The following ARFGEF1 variants were observed in gnomAD, a reference collection of about 807,000 sequenced individuals.
The protein encoded by ARFGEF1 is brefeldin A-inhibited guanine nucleotide-exchange protein 1.
A neutral mutation model predicts 231.0 loss-of-function variants in ARFGEF1; 42 were observed. The ratio of observed to expected loss-of-function variants is 0.18; its 90% CI spans 0.14 to 0.24. The LOEUF is 0.24. Among genes scored for constraint, ARFGEF1 ranks in the 10% least tolerant of loss-of-function variants. The probability of loss-of-function intolerance (pLI) is 1.00; values close to 1 mark genes in which losing one functional copy is unlikely to be tolerated. For missense variants in ARFGEF1, 1,345 were observed against 2,192.0 expected, an observed-to-expected ratio of 0.61 and a Z score of 7.72; for synonymous variants, 710 against 732.3, an observed-to-expected ratio of 0.97 and a Z score of 0.49.
chr8:67,185,116 A>G (rs1179632401), intron 5 of ARFGEF1, among the ~76,000 whole-genome samples: 2 of 149,810 alleles, frequency 1.3e-5, no homozygotes, highest in Non-Finnish European at 2.9e-5. Context: ...AAAAAAAAAA[A>G]ACAAAAACAA....
chr8:67,339,576 T>A (rs747008148), intron 1 of ARFGEF1, among the ~76,000 whole-genome samples: 1 of 151,906 alleles, frequency 6.6e-6, no homozygotes, highest in Admixed American at 6.6e-5. Context: ...TCTTTGAAAC[T>A]AAAAATAGCT....
chr8:67,334,035 C>T (rs1377518131), intron 1 of ARFGEF1, among the ~76,000 whole-genome samples: 1 of 150,264 alleles, frequency 6.7e-6, no homozygotes, highest in Non-Finnish European at 1.5e-5. Flanking sequence ...ACTTGGGAGG[C>T]TGAGACAGGA....
rs750381594 is a variant in ARFGEF1 at position 67,296,506 on chromosome 8, G to A, written c.564C>T (p.Leu188=). Residue 188 remains leucine (L), a synonymous_variant, in exon 5 of 39, where the codon CTC becomes CTT. Transcript: ENST00000262215. ...TAGCTTTGGCTGTTGTCTGATTGAT[G>A]AGATTTTTGCTTGCTAAGTAGATAT... ...CYNIYLASKN[L]INQTTAKATL... 5.6e-6 allele frequency: 9 copies of A among 1,613,946 alleles called. No homozygotes were observed. The highest frequency in any genetic ancestry group is 2.2e-5 in the South Asian group (2 of 91,080).
chr8:67,293,124 C>T (rs1033974514), intron 5 of ARFGEF1, among the ~76,000 whole-genome samples: 5 of 152,084 alleles, frequency 3.3e-5, no homozygotes, highest in Non-Finnish European at 5.9e-5. Context: ...GAAGTTAAGT[C>T]GTCTGTATCC....
At chr8:67,195,847 A>AACT (rs1268489150), downstream of ARFGEF1, 2 of 433,922 alleles carry the variant, frequency 4.6e-6, no homozygotes, top group East Asian at 8.7e-5. Context: ...AACTGGATTG[A>AACT]ACTACTATAT....
chr8:67,204,632 T>A, intron 35 of ARFGEF1, 48 bp downstream of exon 35: 1 of 1,580,230 alleles, frequency 6.3e-7, no homozygotes, highest in South Asian at 1.2e-5. Flanking sequence ...CTGCTATACC[T>A]AACTTCCTAC....
chr8:67,194,910 A>AAAAT (rs1428864834), downstream of ARFGEF1, among the ~76,000 whole-genome samples: 1 of 152,182 alleles, frequency 6.6e-6, no homozygotes, highest in Non-Finnish European at 1.5e-5. Flanking sequence ...GTGTTTTCCC[A>AAAAT]AAATAACTTA....
intron 5 of ARFGEF1, among the ~76,000 whole-genome samples, chr8:67,184,741 A>AAT (rs1554621517): frequency 7.0e-6 from 1 of 143,610 alleles, no homozygotes; most frequent in African/African-American, 2.7e-5. Context: ...AATAATAAAA[A>AAT]AATATAATAA....
At position 67,343,470 on chromosome 8, in the gene ARFGEF1, G is replaced by C. The variant is rs1278876479; in HGVS notation, c.-183C>G. The C allele has an allele frequency of 7.5e-7, 1 of 1,330,016 alleles. No individual in the cohort carries two copies. The highest frequency in any genetic ancestry group is 2.8e-5 in the East Asian group (1 of 35,260). 82.4% of individuals were successfully genotyped at this position (1,330,016 alleles called of 1,614,324 possible). A position where few individuals can be genotyped will look rare whatever the true frequency, so the allele number is the denominator to read the frequency against. The stretch of plus-strand genomic sequence containing the variant: ...GAGCGGGACCAGCCGCGGTGTCGGC[G>C]AAGGGCGTCGAGGTCCTCGCCGCCC... On this transcript the variant is annotated 5_prime_UTR_variant, in exon 1 of 39. Transcript: ENST00000262215.
chr8:67,202,853 G>GT (rs1405984259), intron 36 of ARFGEF1, among the ~76,000 whole-genome samples: 1 of 152,166 alleles, frequency 6.6e-6, no homozygotes, highest in Non-Finnish European at 1.5e-5. Context: ...AAAGAACAAT[G>GT]TAAGTCAAAT....
rs1804842173 is a variant in ARFGEF1, at chr8:67,266,219, A to G, written c.1922-12T>C. The G allele has an allele frequency of 6.2e-7, 1 of 1,609,408 alleles. No individual in the cohort carries two copies. Among genetic ancestry groups the G allele is most frequent in the South Asian group, 1.1e-5 (1 of 90,752 alleles). ...GGGTTTTTCCTGACCTGAAAGAAGA[A>G]AAATTGATAGAGTACATTATTCTAT... On this transcript the variant is annotated splice_polypyrimidine_tract_variant and intron_variant, in intron 13 of 38. Transcript: ENST00000262215.
At chr8:67,204,975 A>G (rs1838459932) in intron 34 of ARFGEF1, 156 bp from the exon 35 acceptor site, 4 of 854,850 alleles carry the variant, frequency 4.7e-6, no homozygotes, top group Admixed American at 3.0e-5. Context: ...ACTACTCAGT[A>G]AAAGTTTAAC....
intron 1 of ARFGEF1, among the ~76,000 whole-genome samples, chr8:67,331,184 G>C (rs539519602): frequency 6.6e-6 from 1 of 152,118 alleles, no homozygotes; most frequent in East Asian, 1.9e-4. Flanking sequence ...AAATTACTTA[G>C]TAACTGCTAT....
At chr8:67,226,327 A>G (rs1839369824) in intron 27 of ARFGEF1, 144 bp from the exon 28 acceptor site, 1 of 749,072 alleles carries the variant, frequency 1.3e-6, no homozygotes, top group Non-Finnish European at 2.0e-6. Context: ...GTTCAAGACT[A>G]TCTTTACCAC....
At chr8:67,275,742 T>C (rs771552626) in intron 9 of ARFGEF1, among the ~76,000 whole-genome samples, 6 of 152,128 alleles carry the variant, frequency 3.9e-5, no homozygotes. Context: ...TTTTTGTTTT[T>C]AGAAAATAGT....
intron 29 of ARFGEF1, among the ~76,000 whole-genome samples, chr8:67,222,194 T>C (rs1465069250): frequency 2.8e-5 from 4 of 140,820 alleles, no homozygotes; most frequent in Non-Finnish European, 4.5e-5. Context: ...TATATATATA[T>C]ATATATATAT....
intron 7 of ARFGEF1, among the ~76,000 whole-genome samples, chr8:67,284,297 T>A (rs372279382): frequency 2.0e-5 from 3 of 152,092 alleles, no homozygotes; most frequent in Non-Finnish European, 4.4e-5. Context: ...ATCTCTTATG[T>A]ACAAGCAGAC....
At position 67,291,916 on chromosome 8, in the gene ARFGEF1, C is replaced by G; in HGVS notation, c.847G>C (p.Glu283Gln). 6.2e-7 allele frequency: 1 copy of G among 1,613,954 alleles called. No individual in the cohort carries two copies. The highest frequency in any genetic ancestry group is 1.1e-5 in the South Asian group (1 of 91,074). The change falls in exon 6 of 39, where the codon GAA (glutamate) becomes CAA (glutamine). Residue 283 changes from glutamate (E) to glutamine (Q), a missense_variant. By Grantham distance (29) the Glu-to-Gln change is conservative. Around this residue, in one of 14 missense-constraint regions of ARFGEF1, gnomAD observed 398 missense variants for 463.2 expected, o/e 0.86. Coordinates refer to ENST00000262215, the MANE Select transcript of ARFGEF1 (RefSeq NM_006421.5). ...DKSLQDDTEPENGSDISSAEN... is the reference protein window; with the variant it reads ...DKSLQDDTEPQNGSDISSAEN... ...GCACTGGAAATATCAGATCCATTTT[C>G]AGGCTCTGTGTCATCCTGAAGACTT... is the stretch of plus-strand genomic sequence containing the variant.
intron 27 of ARFGEF1, 129 bp from the exon 28 acceptor site, chr8:67,226,312 A>G (rs1179099522): frequency 1.2e-6 from 1 of 849,116 alleles, no homozygotes; most frequent in Non-Finnish European, 1.7e-6. Flanking sequence ...TCCAACAGAT[A>G]CGAAGTTCAA....
Sources: gnomAD v4.1 joint callset for allele counts (sites outside exome capture counted in the v4.1 genomes callset) on GRCh38, gnomAD v4.1.1 for gene constraint, gnomAD v4.1.1 regional missense constraint, MANE v1.5 for transcripts, NCBI Gene and HGNC (gene_info 2026-07-23, HGNC 2026-07-21) for gene names.